Variants in TRPS1 observed in about 807,000 individuals in gnomAD.
TRPS1 encodes the protein transcriptional repressor GATA binding 1.
A neutral mutation model predicts 101.2 loss-of-function variants in TRPS1; 6 were observed. That is an observed-to-expected ratio of 0.06 (90% confidence interval 0.03 to 0.12). The LOEUF is 0.12. Among genes scored for constraint, TRPS1 ranks in the 10% least tolerant of loss-of-function variants. TRPS1 has a pLI of 1.00. For missense variants in TRPS1, 1,363 were observed against 1,567.0 expected (o/e 0.87, Z 2.20); for synonymous variants, 578 against 589.8 (o/e 0.98, Z 0.29).
chr8:115,639,587 T>C (rs1411365626), intron 1 of TRPS1, among the ~76,000 whole-genome samples: 1 of 151,116 alleles, frequency 6.6e-6, no homozygotes, highest in Admixed American at 6.6e-5. Flanking sequence ...CCCAGCACTT[T>C]GGAAGGCCAA....
chr8:115,610,378 T>C (rs1163004875), intron 3 of TRPS1, among the ~76,000 whole-genome samples: 2 of 152,234 alleles, frequency 1.3e-5, no homozygotes, highest in East Asian at 3.8e-4. Flanking sequence ...TTTTTCTGCA[T>C]GTATAGTGCT....
chr8:115,442,819 C>T (rs1424874500), intron 5 of TRPS1, among the ~76,000 whole-genome samples: 7 of 151,512 alleles, frequency 4.6e-5, no homozygotes, highest in East Asian at 1.9e-4. Flanking sequence ...AGGCCAGGCG[C>T]GGTGGCTCAC....
intron 5 of TRPS1, among the ~76,000 whole-genome samples, chr8:115,420,538 C>T (rs1813027757): frequency 6.6e-6 from 1 of 152,196 alleles, no homozygotes. Context: ...TAACCATTCA[C>T]TCCAGCCTGC....
intron 5 of TRPS1, among the ~76,000 whole-genome samples, chr8:115,456,739 C>CA (rs1395690732): frequency 1.3e-5 from 2 of 151,932 alleles, no homozygotes; most frequent in Non-Finnish European, 2.9e-5. Flanking sequence ...TACTCCCCCC[C>CA]AAAAACATAA....
intron 5 of TRPS1, among the ~76,000 whole-genome samples, chr8:115,442,787 C>A (rs1453524306): frequency 6.6e-6 from 1 of 151,400 alleles, no homozygotes; most frequent in Non-Finnish European, 1.5e-5. Flanking sequence ...CATGGTGAAA[C>A]CCTGTCTCTA....
intron 5 of TRPS1, among the ~76,000 whole-genome samples, chr8:115,486,938 T>C (rs149501255): frequency 6.6e-6 from 1 of 152,286 alleles, no homozygotes; most frequent in Admixed American, 6.5e-5. Context: ...AAACAATAGA[T>C]TTTCAATGGA....
At position 115,498,373 on chromosome 8, in the gene TRPS1, G is replaced by GTCTCTCTCTCTCTCTCTCTC. The variant is rs1271156488; in HGVS notation, c.2701-79941_2701-79922dup. On this transcript the variant is annotated intron_variant, in intron 5 of 6. Coordinates refer to ENST00000395715, the MANE Select transcript of TRPS1 (RefSeq NM_014112.5). ...AGCCTGGGCAACAAAGAGAGAGCCC[G>GTCTCTCTCTCTCTCTCTCTC]TCTCTCTCTCTCTCTCTCTCTCTCT... 3.2e-4 allele frequency among the ~76,000 whole-genome samples: 10 copies of GTCTCTCTCTCTCTCTCTCTC among 31,224 alleles called. 5 individuals carry two copies. Among genetic ancestry groups the GTCTCTCTCTCTCTCTCTCTC allele is most frequent in the East Asian group, 4.0e-3 (2 of 502 alleles). 20.5% of individuals were successfully genotyped at this position (31,224 alleles called of 152,430 possible). A position where few individuals can be genotyped will look rare whatever the true frequency, so the allele number is the denominator to read the frequency against.
rs17715913 is a variant in TRPS1, at chr8:115,579,780, T to C, written c.2700+7221A>G. 6.8e-3 allele frequency among the ~76,000 whole-genome samples: 1,031 copies of C among 152,246 alleles called. 4 individuals are homozygous for C. The highest frequency in any genetic ancestry group is 0.01 in the Middle Eastern group (3 of 294). ...TTCCTAATTAATATGTCCAAAGTAA[T>C]TCTTCAAAATTAAGAAACTGCCTTG... On this transcript the variant is annotated intron_variant, in intron 5 of 6. Transcript: ENST00000395715.
intron 5 of TRPS1, among the ~76,000 whole-genome samples, chr8:115,581,308 T>C (rs1010459411): frequency 1.1e-4 from 16 of 152,114 alleles, no homozygotes; most frequent in Non-Finnish European, 2.4e-4. Context: ...TATGAAGTTA[T>C]AGCTAGACGG....
intron 5 of TRPS1, among the ~76,000 whole-genome samples, chr8:115,490,610 A>C (rs537535284): frequency 6.6e-6 from 1 of 152,306 alleles, no homozygotes; most frequent in East Asian, 1.9e-4. Context: ...GTGTCTCAGT[A>C]ATCGTCTACC....
At chr8:115,580,856 GC>G (rs1280210242) in intron 5 of TRPS1, among the ~76,000 whole-genome samples, 10 of 152,090 alleles carry the variant, frequency 6.6e-5, no homozygotes, top group African/African-American at 2.4e-4. Flanking sequence ...CAAAAAAACC[GC>G]AAACAGAGCT....
intron 1 of TRPS1, among the ~76,000 whole-genome samples, chr8:115,632,893 C>T (rs1229463519): frequency 6.6e-6 from 1 of 152,100 alleles, no homozygotes; most frequent in African/African-American, 2.4e-5. Flanking sequence ...TATTTCCTGA[C>T]ATGAGTGATA....
chr8:115,563,074 T>G (rs1420872258), intron 5 of TRPS1, among the ~76,000 whole-genome samples: 1 of 151,792 alleles, frequency 6.6e-6, no homozygotes, highest in African/African-American at 2.4e-5. Context: ...ATTATGTGAA[T>G]GAAACACTTG....
Position 115,603,854 on chromosome 8 carries a change from C to A in TRPS1, c.2096+19G>T, listed in dbSNP as rs753862691. 9.3e-6 allele frequency: 15 copies of A among 1,613,602 alleles called. No individual in the cohort carries two copies. Among genetic ancestry groups the A allele is most frequent in the Non-Finnish European group, 1.0e-5 (12 of 1,179,788 alleles). On this transcript the variant is annotated intron_variant, in intron 4 of 6. Coordinates refer to ENST00000395715, the MANE Select transcript of TRPS1 (RefSeq NM_014112.5). ...ATTTTATTTGTATATTCCTCCCGAC[C>A]CCACCCCCCATGCCTCACCTGTAGT...
chr8:115,655,847 C>T (rs1007119474), intron 1 of TRPS1, among the ~76,000 whole-genome samples: 7 of 152,060 alleles, frequency 4.6e-5, no homozygotes, highest in African/African-American at 1.7e-4. Context: ...CAAAATAACA[C>T]GTTAACAAGA....
intron 5 of TRPS1, among the ~76,000 whole-genome samples, chr8:115,519,798 G>A (rs1815813166): frequency 1.3e-5 from 2 of 151,632 alleles, no homozygotes; most frequent in Non-Finnish European, 3.0e-5. Context: ...AGATTACAGA[G>A]TGAAGTTCTA....
intron 5 of TRPS1, among the ~76,000 whole-genome samples, chr8:115,457,164 A>G (rs544880260): frequency 2.0e-5 from 3 of 152,258 alleles, no homozygotes; most frequent in East Asian, 3.8e-4. Context: ...AACAGTTTTG[A>G]TAAAAAGAAG....
intron 5 of TRPS1, among the ~76,000 whole-genome samples, chr8:115,472,318 A>T (rs1586308232): frequency 6.6e-6 from 1 of 151,908 alleles, no homozygotes; most frequent in Non-Finnish European, 1.5e-5. Context: ...TGGGGCTTGC[A>T]CCCTCTGAAG....
chr8:115,556,634 G>C (rs1816826913), intron 5 of TRPS1, among the ~76,000 whole-genome samples: 1 of 152,018 alleles, frequency 6.6e-6, no homozygotes, highest in Non-Finnish European at 1.5e-5. Context: ...ATGTTTCTTA[G>C]GCCAAGTAGT....
Sources: gnomAD v4.1 joint callset for allele counts (sites outside exome capture counted in the v4.1 genomes callset) on GRCh38, gnomAD v4.1.1 for gene constraint, MANE v1.5 for transcripts, NCBI Gene and HGNC (gene_info 2026-07-23, HGNC 2026-07-21) for gene names.